The following ATP10D variants were observed in gnomAD, a reference collection of about 807,000 sequenced individuals.
The protein encoded by ATP10D is phospholipid-transporting ATPase VD.
A neutral mutation model predicts 144.8 loss-of-function variants in ATP10D; 89 were observed. That is an observed-to-expected ratio of 0.61 (90% CI 0.52 to 0.73). The LOEUF (loss-of-function observed/expected upper bound fraction) is 0.73, where lower values mean the gene tolerates loss of function less well. Among genes scored for constraint, ATP10D ranks in the 30% least tolerant of loss-of-function variants. The pLI is 0.00. For synonymous variants in ATP10D, 571 were observed against 615.1 expected (o/e 0.93, Z 1.06); for missense variants, 1,603 against 1,714.8 (o/e 0.93, Z 1.15).
At chr4:47,538,627 G>C (rs1438694831) in intron 9 of ATP10D, among the ~76,000 whole-genome samples, 1 of 152,158 alleles carries the variant, frequency 6.6e-6, no homozygotes, top group Non-Finnish European at 1.5e-5. Flanking sequence ...GGTTGAAATA[G>C]AGGTGTCTGC....
chr4:47,575,592 T>C (rs1720186618), intron 18 of ATP10D, among the ~76,000 whole-genome samples: 1 of 152,330 alleles, frequency 6.6e-6, no homozygotes, highest in Admixed American at 6.5e-5. Flanking sequence ...GCCTACTCCA[T>C]GTCTGTGCCA....
Position 47,558,297 on chromosome 4 carries a change from A to C in ATP10D, c.2434+24A>C, listed in dbSNP as rs762612113. On this transcript the variant is annotated intron_variant, in intron 12 of 22. Transcript: ENST00000273859. Reference sequence around the variant, plus strand: ...AGGTAAGTTTATACAAAAGTGAAATAGTAGTGATTTGAAAAGCTCGGAGAT... The same window carrying C: ...AGGTAAGTTTATACAAAAGTGAAATCGTAGTGATTTGAAAAGCTCGGAGAT... 4.4e-6 allele frequency: 7 copies of C among 1,600,764 alleles called. No individual in the cohort carries two copies. The African/African-American group carries it at 9.4e-5, about 21-fold the overall frequency.
At chr4:47,578,450 G>A (rs1720347177) in intron 19 of ATP10D, 1 of 152,088 alleles carries the variant, frequency 6.6e-6, no homozygotes, top group African/African-American at 2.4e-5. Context: ...AGGTTCCAGT[G>A]GACCCCGTGA....
At position 47,554,787 on chromosome 4, in the gene ATP10D, T is replaced by C; in HGVS notation, c.1697T>C (p.Leu566Pro). The C allele has an allele frequency of 5.6e-6, 9 of 1,614,098 alleles. No individual in the cohort carries two copies. The highest frequency in any genetic ancestry group is 7.6e-6 in the Non-Finnish European group (9 of 1,179,980). ...LDKFSQITPRLFMPLDETIQN... is the reference protein window; with the variant it reads ...LDKFSQITPRPFMPLDETIQN... The stretch of plus-strand genomic sequence containing the variant: ...AAATTTAGTCAGATTACACCTCGGC[T>C]CTTTATGCCACTAGATGAGACCATC... The change falls in exon 11 of 23, where the codon CTC becomes CCC. Residue 566 changes from leucine (L) to proline (P), a missense_variant. Physicochemically the swap from Leu to Pro is moderately conservative, Grantham distance 98. Coordinates refer to ENST00000273859, the MANE Select transcript of ATP10D (RefSeq NM_020453.4).
In ATP10D at chr4:47,514,699, G is replaced by A. The variant is rs113009674; in HGVS notation, c.291-777G>A. ...TCTGAATAGCATAAAAGAAGAAATA[G>A]AAGAGTTAGTCACAAGAGAAAAGAA... On this transcript the variant is annotated intron_variant, in intron 2 of 22. Transcript: ENST00000273859. Among the ~76,000 whole-genome samples the A allele has an allele frequency of 8.9e-4, 135 of 152,078 alleles. 1 individual carries two copies. Among genetic ancestry groups the A allele is most frequent in the African/African-American group, 3.2e-3 (133 of 41,428 alleles).
chr4:47,541,007 T>C (rs909087170), intron 9 of ATP10D, among the ~76,000 whole-genome samples: 1 of 152,226 alleles, frequency 6.6e-6, no homozygotes, highest in African/African-American at 2.4e-5. Flanking sequence ...ACAAGGATTT[T>C]GGAATCAGGC....
intron 19 of ATP10D, among the ~76,000 whole-genome samples, chr4:47,578,811 A>T (rs1402283788): frequency 2.0e-5 from 3 of 152,222 alleles, no homozygotes; most frequent in African/African-American, 7.2e-5. Context: ...GGAAACAATG[A>T]ATCTTCATTG....
intron 5 of ATP10D, among the ~76,000 whole-genome samples, chr4:47,532,053 T>C (rs549992744): frequency 6.6e-6 from 1 of 152,318 alleles, no homozygotes; most frequent in Non-Finnish European, 1.5e-5. Flanking sequence ...TGATAGTTTG[T>C]CTAGTGTCTG....
At chr4:47,536,638 C>CT in intron 8 of ATP10D, 48 bp from the exon 9 acceptor site, 2 of 1,597,306 alleles carry the variant, frequency 1.3e-6, no homozygotes, top group Middle Eastern at 3.4e-4. Flanking sequence ...GTTTCACATC[C>CT]TTTTTTAACC....
intron 5 of ATP10D, among the ~76,000 whole-genome samples, chr4:47,531,311 A>G (rs549481575): frequency 6.6e-6 from 1 of 152,300 alleles, no homozygotes; most frequent in East Asian, 1.9e-4. Context: ...TAATCAGGAG[A>G]TAATGCTGGA....
chr4:47,497,883 T>C (rs1273529428), intron 1 of ATP10D, among the ~76,000 whole-genome samples: 1 of 152,252 alleles, frequency 6.6e-6, no homozygotes, highest in Non-Finnish European at 1.5e-5. Flanking sequence ...ACATTCTTTC[T>C]GGCTTTAACA....
chr4:47,554,153 T>C (rs1234217385), intron 10 of ATP10D, among the ~76,000 whole-genome samples: 1 of 152,236 alleles, frequency 6.6e-6, no homozygotes, highest in Non-Finnish European at 1.5e-5. Flanking sequence ...TTGCCAAATG[T>C]ATGTGGTGAT....
chr4:47,495,022 G>T (rs577018437), intron 1 of ATP10D, among the ~76,000 whole-genome samples: 3 of 152,188 alleles, frequency 2.0e-5, no homozygotes, highest in Non-Finnish European at 4.4e-5. Flanking sequence ...GTAAAAACAA[G>T]AAACAAAAAC....
chr4:47,517,366 A>G (rs1283113797), intron 3 of ATP10D, among the ~76,000 whole-genome samples: 1 of 152,158 alleles, frequency 6.6e-6, no homozygotes, highest in Non-Finnish European at 1.5e-5. Context: ...CAGTGAGCCA[A>G]CATTTGGCCA....
chr4:47,573,118 C>A, intron 18 of ATP10D, 121 bp downstream of exon 18: 2 of 1,226,992 alleles, frequency 1.6e-6, no homozygotes, highest in Non-Finnish European at 2.3e-6. Context: ...TTGGGAACAG[C>A]CAGGACTGGT....
intron 15 of ATP10D, among the ~76,000 whole-genome samples, chr4:47,564,959 G>A (rs1301098646): frequency 6.8e-6 from 1 of 146,214 alleles, no homozygotes; most frequent in Non-Finnish European, 1.5e-5. Flanking sequence ...ACATGTTTTC[G>A]TTTGTTTATT....
At chr4:47,489,120 T>C (rs537448703) in intron 1 of ATP10D, among the ~76,000 whole-genome samples, 70 of 152,240 alleles carry the variant, frequency 4.6e-4, no homozygotes, top group African/African-American at 1.7e-3. Context: ...GAAATAGATA[T>C]AAATGAGCAA....
chr4:47,534,776 T>G (rs1717754346), intron 5 of ATP10D, among the ~76,000 whole-genome samples: 1 of 152,150 alleles, frequency 6.6e-6, no homozygotes, highest in African/African-American at 2.4e-5. Context: ...GATTCTTGCT[T>G]GGAATATTTT....
At chr4:47,583,331 G>A (rs1474175643) in intron 21 of ATP10D, 2 of 152,004 alleles carry the variant, frequency 1.3e-5, no homozygotes, top group African/African-American at 4.8e-5. Flanking sequence ...CCAGTTTTTG[G>A]GTTATGTTTA....
Sources: gnomAD v4.1 joint callset for allele counts (sites outside exome capture counted in the v4.1 genomes callset) on GRCh38, gnomAD v4.1.1 for gene constraint, MANE v1.5 for transcripts, NCBI Gene and HGNC (gene_info 2026-07-23, HGNC 2026-07-21) for gene names.